OR6K3: variants seen among roughly 807,000 people sequenced by gnomAD.
OR6K3 encodes olfactory receptor 6K3.
For synonymous variants in OR6K3, 169 were observed against 137.7 expected, an observed-to-expected ratio of 1.23 and a Z score of -1.59; for missense variants, 396 against 382.5, an observed-to-expected ratio of 1.04 and a Z score of -0.29.
In OR6K3 at chr1:158,718,031, A is replaced by G. The variant is rs751342000; in HGVS notation, c.85T>C (p.Phe29Leu). 26 of 1,612,950 alleles carry G rather than the reference A, an allele frequency of 1.6e-5. No individual in the cohort carries two copies. In the Admixed American group the frequency reaches 4.3e-4, roughly 27 times the overall value. Reference protein sequence around the residue: ...QLQDGSLLYFFPLLFIYTFII... With the variant: ...QLQDGSLLYFLPLLFIYTFII... Reference sequence around the variant, plus strand: ...AAAGTATAGATGAAAAGTAAAGGAAAGAAGTACAGGAGACTACCATCCTGA... The same window carrying G: ...AAAGTATAGATGAAAAGTAAAGGAAGGAAGTACAGGAGACTACCATCCTGA... Residue 29 changes from phenylalanine to leucine, a missense_variant, in exon 2 of 2, where the codon TTT becomes CTT. Coordinates refer to ENST00000368145, the MANE Select transcript of OR6K3 (RefSeq NM_001005327.3).
Position 158,717,572 on chromosome 1 carries a change from C to T in OR6K3, c.544G>A (p.Val182Ile). The change falls in exon 2 of 2, where the codon GTC becomes ATC. Residue 182 changes from valine (V) to isoleucine (I), a missense_variant. Coordinates refer to ENST00000368145, the MANE Select transcript of OR6K3 (RefSeq NM_001005327.3). ...NQIHQIFCDL[V>I]PVLSLACTDT... ...GTACAGGCCAGGCTTAGCACAGGGA[C>T]CAAGTCACAGAAGATCTGATGGATT... 2.5e-6 allele frequency: 4 copies of T among 1,613,758 alleles called. No individual in the cohort carries two copies. The highest frequency in any genetic ancestry group is 3.4e-6 in the Non-Finnish European group (4 of 1,179,828).
In OR6K3 at chr1:158,717,703, G is replaced by A. The variant is rs555343498; in HGVS notation, c.413C>T (p.Pro138Leu). ...NPLRYQMIMT[P>L]RLCAQLSAGS... ...TGCAGAGAGTTGAGCACAGAGCCGG[G>A]GGGTCATGATCATTTGATAGCGAAG... Residue 138 changes from proline (P) to leucine (L), a missense_variant, in exon 2 of 2, where the codon CCC (proline) becomes CTC (leucine). Pro to Leu is a moderately conservative substitution (Grantham distance 98). Coordinates refer to ENST00000368145, the MANE Select transcript of OR6K3 (RefSeq NM_001005327.3). 8.7e-4 allele frequency: 1,411 copies of A among 1,613,800 alleles called. 23 individuals are homozygous for A. The South Asian group carries it at 0.015, about 17-fold the overall frequency.
In OR6K3 at chr1:158,717,455, C is replaced by T; in HGVS notation, c.661G>A (p.Val221Ile). The T allele has an allele frequency of 1.2e-6, 2 of 1,613,690 alleles. No homozygotes were observed. The highest frequency in any genetic ancestry group is 1.7e-6 in the Non-Finnish European group (2 of 1,179,764). ...LIIALSYVRIVTVILRIPSSE... is the reference protein window; with the variant it reads ...LIIALSYVRIITVILRIPSSE... ...GAGGGAATCCTCAATATCACAGTGA[C>T]AATTCTTACATAGGACAGGGCAATG... The change falls in exon 2 of 2, where the codon GTC (valine) becomes ATC (isoleucine). Residue 221 changes from valine (V) to isoleucine (I), a missense_variant. By Grantham distance (29) the Val-to-Ile change is conservative. Coordinates refer to ENST00000368145, the MANE Select transcript of OR6K3 (RefSeq NM_001005327.3).
upstream of OR6K3, among the ~76,000 whole-genome samples, chr1:158,721,111 G>A (rs557031688): frequency 8.5e-5 from 13 of 152,048 alleles, no homozygotes; most frequent in Admixed American, 4.6e-4. Flanking sequence ...AAGCCTGGAA[G>A]GAATATACTG....
intron 1 of OR6K3, among the ~76,000 whole-genome samples, chr1:158,719,014 C>A (rs908277336): frequency 1.3e-5 from 2 of 151,990 alleles, no homozygotes; most frequent in African/African-American, 4.8e-5. Flanking sequence ...ATACTGATCA[C>A]GTTCATCAAT....
chr1:158,717,106 G>T lies in OR6K3; in HGVS notation c.*62C>A. ...GCACTCCAGCCCAGGCAACAAGAGT[G>T]AAACTCCATCTCAAAAAACAAAACA... On this transcript the variant is annotated 3_prime_UTR_variant, in exon 2 of 2. Transcript: ENST00000368145. The T allele has an allele frequency of 8.5e-7, 1 of 1,175,326 alleles. No homozygotes were observed. The highest frequency in any genetic ancestry group is 1.2e-6 in the Non-Finnish European group (1 of 808,712). The allele number at this position is 1,175,326 out of a possible 1,614,324, so 72.8% of individuals were successfully genotyped here.
chr1:158,724,363 C>T (rs531413833), upstream of OR6K3: 5 of 190,080 alleles, frequency 2.6e-5, no homozygotes, highest in Admixed American at 5.4e-5. Context: ...GGCCTTCTGG[C>T]GGCCTTCAAC....
chr1:158,723,353 A>T (rs1275735861), upstream of OR6K3, among the ~76,000 whole-genome samples: 1 of 152,018 alleles, frequency 6.6e-6, no homozygotes, highest in African/African-American at 2.4e-5. Flanking sequence ...ATGAAGTTTG[A>T]ATTCAACTTG....
chr1:158,725,088 C>T (rs370792426), upstream of OR6K3: 1 of 152,498 alleles, frequency 6.6e-6, no homozygotes, highest in South Asian at 2.1e-4. Context: ...ACCTTAACAG[C>T]TATGGATAGA....
upstream of OR6K3, chr1:158,724,532 T>G (rs887036617): frequency 3.9e-6 from 1 of 258,918 alleles, no homozygotes; most frequent in African/African-American, 2.3e-5. Context: ...TCACAGAAGA[T>G]CTGGTGGATT....
chr1:158,719,865 C>T (rs113954141), intron 1 of OR6K3, among the ~76,000 whole-genome samples: 11 of 152,056 alleles, frequency 7.2e-5, no homozygotes, highest in African/African-American at 2.4e-4. Flanking sequence ...GGCACTATTC[C>T]AAGCACATTG....
chr1:158,723,579 G>T (rs575088803), upstream of OR6K3, among the ~76,000 whole-genome samples: 4 of 152,132 alleles, frequency 2.6e-5, no homozygotes, highest in South Asian at 8.3e-4. Flanking sequence ...CTTGCATGGA[G>T]TAAGTCATTT....
chr1:158,717,872 G>A lies in OR6K3; in HGVS notation c.244C>T (p.Leu82Phe). The A allele has an allele frequency of 1.2e-6, 2 of 1,613,644 alleles. No individual in the cohort carries two copies. The highest frequency in any genetic ancestry group is 8.5e-7 in the Non-Finnish European group (1 of 1,179,690). Residue 82 changes from leucine to phenylalanine, a missense_variant, in exon 2 of 2, where the codon CTC becomes TTC. By Grantham distance (22) the Leu-to-Phe change is conservative. Coordinates refer to ENST00000368145, the MANE Select transcript of OR6K3 (RefSeq NM_001005327.3). ...TTCTTTTCACTGATGAGGTTGGAGAGCATCTTGGGAATGGTGGCTGTGGTG... is the reference window on the plus strand; with the variant it reads ...TTCTTTTCACTGATGAGGTTGGAGAACATCTTGGGAATGGTGGCTGTGGTG... Reference protein sequence around the residue: ...WYTTATIPKMLSNLISEKKAI... With the variant: ...WYTTATIPKMFSNLISEKKAI...
upstream of OR6K3, among the ~76,000 whole-genome samples, chr1:158,722,370 T>G (rs1437832538): frequency 1.3e-5 from 2 of 152,026 alleles, no homozygotes; most frequent in Non-Finnish European, 2.9e-5. Flanking sequence ...TTTAGTAGCC[T>G]CAGTTTACCT....
At position 158,717,411 on chromosome 1, in the gene OR6K3, CT is replaced by C. The variant is rs914973186; in HGVS notation, c.704del (p.Lys235ArgfsTer41). On this transcript the variant is annotated frameshift_variant, in exon 2 of 2. Coordinates refer to ENST00000368145, the MANE Select transcript of OR6K3 (RefSeq NM_001005327.3). LOFTEE classifies it low-confidence loss of function (END_TRUNC). ...LRIPSSEGRQ[K>X]AFSTCAGHLM... ...GGTGGCCTGCACAGGTAGAAAAAGCCTTTTGCCTCCCTTCAGAAGAGGGAAT... is the reference window on the plus strand; with the variant it reads ...GGTGGCCTGCACAGGTAGAAAAAGCCTTTGCCTCCCTTCAGAAGAGGGAAT... 9 of 1,613,678 alleles carry C rather than the reference CT, an allele frequency of 5.6e-6. No individual in the cohort carries two copies. The highest frequency in any genetic ancestry group is 7.6e-6 in the Non-Finnish European group (9 of 1,179,778).
upstream of OR6K3, chr1:158,724,909 AC>A (rs1223345884): frequency 4.8e-6 from 1 of 208,012 alleles, no homozygotes; most frequent in African/African-American, 2.3e-5. Flanking sequence ...ACGGGTATCC[AC>A]CCTGACTGCA....
In OR6K3 at chr1:158,717,402, A is replaced by T. The variant is rs200661072; in HGVS notation, c.714T>A (p.Ser238=). ...PSSEGRQKAF[S]TCAGHLMVFP... is the part of the protein sequence containing the mutation. ...AGACCATGAGGTGGCCTGCACAGGT[A>T]GAAAAAGCCTTTTGCCTCCCTTCAG... The change falls in exon 2 of 2, where the codon TCT becomes TCA. Residue 238 remains serine (S), a synonymous_variant. Transcript: ENST00000368145. 2 of 1,613,758 alleles carry T rather than the reference A, an allele frequency of 1.2e-6. No homozygotes were observed. Among genetic ancestry groups the T allele is most frequent in the East Asian group, 4.5e-5 (2 of 44,836 alleles).
At chr1:158,720,320 A>T (rs931224960) in intron 1 of OR6K3, among the ~76,000 whole-genome samples, 9 of 151,976 alleles carry the variant, frequency 5.9e-5, no homozygotes, top group Non-Finnish European at 1.0e-4. Context: ...CTTGGAACTC[A>T]GCCACTTGGT....
chr1:158,720,671 A>G lies in OR6K3; in HGVS notation c.-18+12T>C, dbSNP rs545428746. The G allele has an allele frequency of 6.6e-6, 1 of 152,116 alleles. No homozygotes were observed. The highest frequency in any genetic ancestry group is 1.9e-4 in the East Asian group (1 of 5,148). The allele number at this position is 152,116 out of a possible 1,614,324, so 9.4% of individuals were successfully genotyped here. ...AATTCGGTCTCTTTATGACTTAGTC[A>G]TCTACACTCACCTTTGCCAAAAACA... On this transcript the variant is annotated intron_variant, in intron 1 of 1. Coordinates refer to ENST00000368145, the MANE Select transcript of OR6K3 (RefSeq NM_001005327.3).
Sources: allele counts gnomAD v4.1 joint callset (sites outside exome capture counted in the v4.1 genomes callset), GRCh38; gene constraint gnomAD v4.1.1; transcripts MANE v1.5; gene names NCBI Gene and HGNC (gene_info 2026-07-23, HGNC 2026-07-21).